Variants in DRG1 observed in about 807,000 individuals in gnomAD.
DRG1 encodes the protein developmentally-regulated GTP-binding protein 1.
In DRG1, 19 loss-of-function variants were observed where a neutral mutation model predicts 38.8. The observed-to-expected ratio is 0.49, with a 90% CI of 0.34 to 0.72. DRG1 has a LOEUF of 0.72. Ranked by LOEUF, DRG1 falls within the 30% of genes least tolerant of loss-of-function variation. DRG1 has a pLI of 0.01. For synonymous variants in DRG1, 167 were observed against 157.5 expected (o/e 1.06, Z -0.45); for missense variants, 299 against 444.8 (o/e 0.67, Z 2.95).
At chr22:31,422,631 A>T (rs2050083272) in intron 5 of DRG1, among the ~76,000 whole-genome samples, 1 of 152,210 alleles carries the variant, frequency 6.6e-6, no homozygotes, top group South Asian at 2.1e-4. Flanking sequence ...TTCAGAGCCC[A>T]GATGATTTGA....
chr22:31,433,230 T>A (rs2050150895), intron 8 of DRG1, among the ~76,000 whole-genome samples: 1 of 151,912 alleles, frequency 6.6e-6, no homozygotes. Context: ...TAAGAATCAG[T>A]CTGAAATTTT....
intron 3 of DRG1, among the ~76,000 whole-genome samples, chr22:31,405,161 TAATA>T (rs1436227927): frequency 6.6e-6 from 1 of 151,794 alleles, no homozygotes; most frequent in African/African-American, 2.4e-5. Flanking sequence ...GTAGAGGCCT[TAATA>T]AATTTTCTTT....
At chr22:31,400,536 G>A (rs2145856304) in intron 1 of DRG1, 84 bp from the exon 2 acceptor site, 2 of 1,558,806 alleles carry the variant, frequency 1.3e-6, no homozygotes, top group East Asian at 4.7e-5. Flanking sequence ...AACATTAGTA[G>A]GACTTGGGGA....
At chr22:31,428,239 T>A (rs2050121458) in intron 8 of DRG1, among the ~76,000 whole-genome samples, 1 of 150,046 alleles carries the variant, frequency 6.7e-6, no homozygotes, top group Non-Finnish European at 1.5e-5. Context: ...TGAGACGGAG[T>A]CTCGCTGTGT....
intron 4 of DRG1, among the ~76,000 whole-genome samples, chr22:31,416,065 T>C (rs918247810): frequency 3.2e-4 from 49 of 152,230 alleles, no homozygotes; most frequent in Non-Finnish European, 2.9e-4. Context: ...ATGACTGTAA[T>C]CCCAGCACAG....
intron 1 of DRG1, among the ~76,000 whole-genome samples, 184 bp from the exon 2 acceptor site, chr22:31,400,436 G>GGCTTT (rs923632614): frequency 2.0e-5 from 3 of 152,026 alleles, no homozygotes; most frequent in South Asian, 2.1e-4. Flanking sequence ...TTCCTCTTTG[G>GGCTTT]GCTTTGCTTT....
chr22:31,404,350 C>T (rs8141150), intron 3 of DRG1, among the ~76,000 whole-genome samples: 34,260 of 151,072 alleles, frequency 0.23, 4,982 homozygotes, highest in East Asian at 0.46. Flanking sequence ...AGTGATTCTC[C>T]CGCTTCAGCC....
chr22:31,414,902 C>G lies in DRG1; in HGVS notation c.412+3821C>G, dbSNP rs559228008. On this transcript the variant is annotated intron_variant, in intron 4 of 8. Coordinates refer to ENST00000331457, the MANE Select transcript of DRG1 (RefSeq NM_004147.4). ...TCAGGTGATCCTTCCTTCTTAGCCT[C>G]TTGAGTAGCTAAGGACTACAGGCAT... 2.0e-5 allele frequency among the ~76,000 whole-genome samples: 3 copies of G among 151,754 alleles called. No individual in the cohort carries two copies. The Admixed American group carries it at 2.0e-4, about 10-fold the overall frequency.
intron 8 of DRG1, among the ~76,000 whole-genome samples, chr22:31,429,184 T>C (rs2050126699): frequency 6.6e-6 from 1 of 152,184 alleles, no homozygotes; most frequent in Non-Finnish European, 1.5e-5. Flanking sequence ...AGTGGCACGA[T>C]ATCAGCTCAC....
chr22:31,408,769 A>G (rs1184457172), intron 3 of DRG1, among the ~76,000 whole-genome samples: 1 of 151,472 alleles, frequency 6.6e-6, no homozygotes, highest in African/African-American at 2.4e-5. Context: ...AAAAAAAAAA[A>G]AAAAAAGATA....
chr22:31,421,294 T>G (rs1025157984), intron 5 of DRG1: 1 of 149,186 alleles, frequency 6.7e-6, no homozygotes, highest in Non-Finnish European at 1.5e-5. Context: ...TTTTTTTTTT[T>G]TTTTTTTTGG....
chr22:31,402,044 C>G (rs934905822), intron 2 of DRG1, among the ~76,000 whole-genome samples: 2 of 151,804 alleles, frequency 1.3e-5, no homozygotes, highest in Non-Finnish European at 2.9e-5. Flanking sequence ...GAGCTAGACT[C>G]TGTCTCAAGA....
At chr22:31,410,043 G>C (rs1287925094) in intron 3 of DRG1, among the ~76,000 whole-genome samples, 1 of 151,904 alleles carries the variant, frequency 6.6e-6, no homozygotes, top group Non-Finnish European at 1.5e-5. Context: ...ATTTTGGCTA[G>C]AAAACATGGG....
chr22:31,422,339 G>C (rs140976177), intron 5 of DRG1, among the ~76,000 whole-genome samples: 185 of 152,016 alleles, frequency 1.2e-3, no homozygotes, highest in Non-Finnish European at 2.0e-3. Flanking sequence ...GCTGAGGCAG[G>C]AGAATTGCTT....
At chr22:31,418,490 T>G (rs1057056015) in intron 4 of DRG1, among the ~76,000 whole-genome samples, 3 of 151,528 alleles carry the variant, frequency 2.0e-5, no homozygotes, top group African/African-American at 7.3e-5. Flanking sequence ...AATGAGGAAC[T>G]AGAAAGTTGA....
chr22:31,406,594 G>C (rs959637691), intron 3 of DRG1, among the ~76,000 whole-genome samples: 1 of 151,510 alleles, frequency 6.6e-6, no homozygotes, highest in African/African-American at 2.4e-5. Context: ...AGAATTGCTT[G>C]AACCTGGGAG....
intron 8 of DRG1, among the ~76,000 whole-genome samples, chr22:31,429,006 C>T (rs1412939695): frequency 2.0e-5 from 3 of 151,768 alleles, no homozygotes; most frequent in Non-Finnish European, 4.4e-5. Flanking sequence ...GTTTCTCTGC[C>T]GTGAAGGTAG....
At chr22:31,410,975 T>C (rs1406728056) in intron 3 of DRG1, 37 bp from the exon 4 acceptor site, 1 of 1,606,038 alleles carries the variant, frequency 6.2e-7, no homozygotes. Flanking sequence ...TAACCAGTTT[T>C]TTCTTTCATC....
intron 5 of DRG1, among the ~76,000 whole-genome samples, chr22:31,421,659 C>T (rs1415690289): frequency 2.6e-5 from 4 of 151,350 alleles, no homozygotes; most frequent in Non-Finnish European, 4.4e-5. Flanking sequence ...ATCACTTGAG[C>T]CCAGGAGTTC....
Sources: allele counts gnomAD v4.1 joint callset (sites outside exome capture counted in the v4.1 genomes callset), GRCh38; gene constraint gnomAD v4.1.1; transcripts MANE v1.5; gene names NCBI Gene and HGNC (gene_info 2026-07-23, HGNC 2026-07-21).